The following MARVELD2 variants were observed in gnomAD, a reference collection of about 807,000 sequenced individuals.
The protein encoded by MARVELD2 is MARVEL domain containing 2, also known as MARVEL domain-containing protein 2.
MARVELD2 carries 49 observed loss-of-function variants against 57.6 expected under a neutral mutation model. The observed-to-expected ratio is 0.85, with a 90% CI of 0.68 to 1.08. The LOEUF (loss-of-function observed/expected upper bound fraction) is 1.08. MARVELD2 is among the 50% of genes least tolerant of loss of function. MARVELD2 has a pLI of 0.00. For missense variants in MARVELD2, 606 were observed against 701.1 expected (o/e 0.86, Z 1.53); for synonymous variants, 238 against 258.8 (o/e 0.92, Z 0.77).
Position 69,419,589 on chromosome 5 carries a change from A to T in MARVELD2, c.204A>T (p.Glu68Asp), listed in dbSNP as rs1351495948. The change falls in exon 2 of 7, where the codon GAA (glutamate) becomes GAT (aspartate). Residue 68 changes from glutamate to aspartate, a missense_variant. By Grantham distance (45) the Glu-to-Asp change is conservative (BLOSUM62 2). Coordinates refer to ENST00000325631, the MANE Select transcript of MARVELD2 (RefSeq NM_001038603.3). ...GPDFYSSDTE[E>D]PAIAPDLKPV... ...ACTTCTACTCAAGTGACACAGAAGAACCAGCTATAGCGCCAGATCTCAAAC... is the reference window on the plus strand; with the variant it reads ...ACTTCTACTCAAGTGACACAGAAGATCCAGCTATAGCGCCAGATCTCAAAC... The T allele has an allele frequency of 1.2e-6, 2 of 1,613,984 alleles. No homozygotes were observed. Among genetic ancestry groups the T allele is most frequent in the Admixed American group, 1.7e-5 (1 of 59,990 alleles).
intron 3 of MARVELD2, among the ~76,000 whole-genome samples, chr5:69,431,684 C>T (rs1399189667): frequency 6.6e-6 from 1 of 152,080 alleles, no homozygotes; most frequent in African/African-American, 2.4e-5. Flanking sequence ...TGTGTATTAC[C>T]ATATCCCAAA....
rs549560339 is a variant in MARVELD2 at position 69,419,591 on chromosome 5, C to A, written c.206C>A (p.Pro69Gln). ...TTCTACTCAAGTGACACAGAAGAACCAGCTATAGCGCCAGATCTCAAACCA... is the reference window on the plus strand; with the variant it reads ...TTCTACTCAAGTGACACAGAAGAACAAGCTATAGCGCCAGATCTCAAACCA... ...PDFYSSDTEE[P>Q]AIAPDLKPVR... The change falls in exon 2 of 7, where the codon CCA (proline) becomes CAA (glutamine). Residue 69 changes from proline (P) to glutamine (Q), a missense_variant. Coordinates refer to ENST00000325631, the MANE Select transcript of MARVELD2 (RefSeq NM_001038603.3). 1 of 1,614,020 alleles carries A rather than the reference C, an allele frequency of 6.2e-7. No homozygotes were observed. The highest frequency in any genetic ancestry group is 1.3e-5 in the African/African-American group (1 of 75,048).
rs1315040430 is a variant in MARVELD2 at position 69,419,804 on chromosome 5, C to A, written c.419C>A (p.Ser140Ter). ...LNSCKDPYGG[S>*]EGTFSSRKEA... ...TCCTGCAAAGATCCCTACGGAGGGT[C>A]AGAAGGAACCTTTAGTTCCCGGAAA... Residue 140 changes from serine to a stop codon, truncating the protein, a stop_gained, in exon 2 of 7, where the codon TCA (serine) becomes TAA (stop). Transcript: ENST00000325631. LOFTEE classifies it high-confidence loss of function. 6.2e-7 allele frequency: 1 copy of A among 1,614,084 alleles called. No individual in the cohort carries two copies.
chr5:69,436,402 A>AACACACAC (rs66984523), intron 5 of MARVELD2, among the ~76,000 whole-genome samples: 1,472 of 123,758 alleles, frequency 0.012, 8 homozygotes, highest in Admixed American at 0.025. Context: ...TATGTATGGG[A>AACACACAC]ACACACACAC....
chr5:69,426,215 CAGTG>C (rs980785564), intron 3 of MARVELD2, among the ~76,000 whole-genome samples: 1 of 151,338 alleles, frequency 6.6e-6, no homozygotes, highest in African/African-American at 2.4e-5. Flanking sequence ...TGAGAGGACT[CAGTG>C]AGATGCTGTT....
At chr5:69,435,288 A>G (rs981484383) in intron 5 of MARVELD2, among the ~76,000 whole-genome samples, 4 of 151,892 alleles carry the variant, frequency 2.6e-5, no homozygotes, top group Non-Finnish European at 4.4e-5. Flanking sequence ...TGCTGGTATT[A>G]CAGGCATGAG....
Position 69,420,644 on chromosome 5 carries a change from TTC to T in MARVELD2, c.1146+115_1146+116del, listed in dbSNP as rs1001343899. On this transcript the variant is annotated intron_variant, in intron 2 of 6. Coordinates refer to ENST00000325631, the MANE Select transcript of MARVELD2 (RefSeq NM_001038603.3). ...AACAGAAAGCTTTCATAGAAATCTT[TTC>T]TTTCTTCCTTTTTTTTTTTTTCAAT... The T allele has an allele frequency of 9.3e-6, 10 of 1,070,020 alleles. No individual in the cohort carries two copies. The African/African-American group carries it at 1.6e-4, about 17-fold the overall frequency. The allele number at this position is 1,070,020 out of a possible 1,614,324, so 66.3% of individuals were successfully genotyped here. A position where few individuals can be genotyped will look rare whatever the true frequency, so the allele number is the denominator to read the frequency against.
At chr5:69,420,566 A>G (rs1561291910) in intron 2 of MARVELD2, 35 bp downstream of exon 2, 15 of 1,590,870 alleles carry the variant, frequency 9.4e-6, no homozygotes, top group Middle Eastern at 1.7e-4. Context: ...TTGTGTGTGT[A>G]TGTTTGTTTT....
At chr5:69,430,513 G>A (rs1766927961) in intron 3 of MARVELD2, among the ~76,000 whole-genome samples, 2 of 151,940 alleles carry the variant, frequency 1.3e-5, no homozygotes, top group African/African-American at 4.8e-5. Flanking sequence ...ACTGCACGTG[G>A]CCTAGTTCTG....
chr5:69,427,707 CA>C lies in MARVELD2; in HGVS notation c.1182+3072del, dbSNP rs570335855. ...TTCCCCTTTCCTTTGACATGTCTGT[CA>C]TCAAGAGTACTGTCTAAGAGTGGCC... On this transcript the variant is annotated intron_variant, in intron 3 of 6. Transcript: ENST00000325631. 1.6e-3 allele frequency among the ~76,000 whole-genome samples: 251 copies of C among 152,328 alleles called. 2 individuals carry two copies. Among genetic ancestry groups the C allele is most frequent in the African/African-American group, 5.5e-3 (230 of 41,564 alleles).
At chr5:69,437,250 G>A (rs1274301160) in intron 5 of MARVELD2, among the ~76,000 whole-genome samples, 1 of 151,310 alleles carries the variant, frequency 6.6e-6, no homozygotes, top group Non-Finnish European at 1.5e-5. Flanking sequence ...ACGTGGTGGT[G>A]CATGTGTGTA....
intron 1 of MARVELD2, among the ~76,000 whole-genome samples, chr5:69,416,314 A>G (rs1248145955): frequency 6.6e-6 from 1 of 152,202 alleles, no homozygotes; most frequent in Non-Finnish European, 1.5e-5. Context: ...TGATTGTTAT[A>G]ATATACAGAG....
intron 5 of MARVELD2, among the ~76,000 whole-genome samples, chr5:69,435,853 T>G (rs1767120165): frequency 6.6e-6 from 1 of 152,148 alleles, no homozygotes; most frequent in Non-Finnish European, 1.5e-5. Context: ...TAATCTACTT[T>G]CTGTCCGAAT....
At chr5:69,424,163 T>G (rs2150919207) in intron 2 of MARVELD2, among the ~76,000 whole-genome samples, 1 of 152,382 alleles carries the variant, frequency 6.6e-6, no homozygotes, top group South Asian at 2.1e-4. Context: ...CTAATTAGAC[T>G]TCAGTCACCT....
chr5:69,428,221 G>GACCTTCTGCCCAAAGCAGCTTTGA lies in MARVELD2; in HGVS notation c.1182+3585_1182+3586insACCTTCTGCCCAAAGCAGCTTTGA, dbSNP rs763187785. Among the ~76,000 whole-genome samples the GACCTTCTGCCCAAAGCAGCTTTGA allele has an allele frequency of 1.8e-3, 209 of 115,246 alleles. 2 individuals are homozygous for GACCTTCTGCCCAAAGCAGCTTTGA. Among genetic ancestry groups the GACCTTCTGCCCAAAGCAGCTTTGA allele is most frequent in the South Asian group, 4.9e-3 (17 of 3,456 alleles). 75.6% of individuals were successfully genotyped at this position (115,246 alleles called of 152,430 possible). On this transcript the variant is annotated intron_variant, in intron 3 of 6. Coordinates refer to ENST00000325631, the MANE Select transcript of MARVELD2 (RefSeq NM_001038603.3). ...ACCATAAAAATAAAAAAAAATTTAG[G>GACCTTCTGCCCAAAGCAGCTTTGA]CCGGGCATGGTGGCTCACACCTGTA...
intron 1 of MARVELD2, among the ~76,000 whole-genome samples, chr5:69,417,009 A>G (rs1766450395): frequency 6.6e-6 from 1 of 152,222 alleles, no homozygotes; most frequent in Non-Finnish European, 1.5e-5. Context: ...CATGATTCAG[A>G]TGGCCTCAGT....
chr5:69,419,934 C>T lies in MARVELD2; in HGVS notation c.549C>T (p.Tyr183=). ...AGGTGGAGGAGTATAACCTGAGATA[C>T]TCCTACATGAAGTCGTGGGCAGGCC... The part of the protein sequence containing the change: ...SEKVEEYNLR[Y]SYMKSWAGLL... The change falls in exon 2 of 7, where the codon TAC becomes TAT. Residue 183 remains tyrosine (Y), a synonymous_variant. Transcript: ENST00000325631. The T allele has an allele frequency of 6.2e-7, 1 of 1,614,156 alleles. No individual in the cohort carries two copies. The highest frequency in any genetic ancestry group is 8.5e-7 in the Non-Finnish European group (1 of 1,180,034).
In MARVELD2 at chr5:69,419,876, G is replaced by C. The variant is rs151176949; in HGVS notation, c.491G>C (p.Arg164Pro). 7.4e-6 allele frequency: 12 copies of C among 1,614,114 alleles called. No individual in the cohort carries two copies. Among genetic ancestry groups the C allele is most frequent in the Non-Finnish European group, 8.5e-7 (1 of 1,180,038 alleles). The change falls in exon 2 of 7, where the codon CGA becomes CCA. Residue 164 changes from arginine (R) to proline (P), a missense_variant. Arg to Pro is a moderately radical substitution (Grantham distance 103). Coordinates refer to ENST00000325631, the MANE Select transcript of MARVELD2 (RefSeq NM_001038603.3). Reference sequence around the variant, plus strand: ...CGGGATCCCTATGGATCTCTAGACCGACACACACAAACAGTTCGAACATAC... The same window carrying C: ...CGGGATCCCTATGGATCTCTAGACCCACACACACAAACAGTTCGAACATAC... ...FPRDPYGSLD[R>P]HTQTVRTYSE...
rs891668585 is a variant in MARVELD2 at position 69,442,293 on chromosome 5, T to G, written c.*639T>G. ...GGACAAATTTCTCTTCCTAGAGAAA[T>G]TCCTAGGGGATTTCTAAAGGATTTT... On this transcript the variant is annotated 3_prime_UTR_variant, in exon 7 of 7. Transcript: ENST00000325631. 2 of 152,186 alleles carry G rather than the reference T, an allele frequency of 1.3e-5. No homozygotes were observed. Among genetic ancestry groups the G allele is most frequent in the Admixed American group, 1.3e-4 (2 of 15,254 alleles). 9.4% of individuals were successfully genotyped at this position (152,186 alleles called of 1,614,324 possible). A position where few individuals can be genotyped will look rare whatever the true frequency, so the allele number is the denominator to read the frequency against.
Sources: gnomAD v4.1 joint callset for allele counts (sites outside exome capture counted in the v4.1 genomes callset) on GRCh38, gnomAD v4.1.1 for gene constraint, MANE v1.5 for transcripts, NCBI Gene and HGNC (gene_info 2026-07-23, HGNC 2026-07-21) for gene names.